The following TENM2 variants were observed in gnomAD, a reference collection of about 807,000 sequenced individuals.
TENM2 encodes the protein teneurin-2.
A neutral mutation model predicts 245.2 loss-of-function variants in TENM2; 52 were observed. The observed-to-expected ratio is 0.21, with a 90% CI of 0.17 to 0.27. The LOEUF is 0.27. Ranked by LOEUF, TENM2 falls within the 10% of genes least tolerant of loss-of-function variation. The pLI is 1.00. For synonymous variants in TENM2, 1,363 were observed against 1,438.9 expected (o/e 0.95, Z 1.19); for missense variants, 3,046 against 3,666.8 (o/e 0.83, Z 4.37).
At chr5:167,283,002 G>A (rs1771142040), upstream of TENM2, among the ~76,000 whole-genome samples, 1 of 152,000 alleles carries the variant, frequency 6.6e-6, no homozygotes, top group Non-Finnish European at 1.5e-5. Flanking sequence ...AGCAACTGAG[G>A]CAGCACCAAG....
chr5:167,822,550 C>A (rs746520442), intron 2 of TENM2, among the ~76,000 whole-genome samples: 3 of 152,126 alleles, frequency 2.0e-5, no homozygotes, highest in Non-Finnish European at 4.4e-5. Context: ...AACATTAGAG[C>A]ACTAGGATTT....
intron 2 of TENM2, among the ~76,000 whole-genome samples, chr5:167,618,735 C>A (rs1409469285): frequency 1.3e-5 from 2 of 152,112 alleles, no homozygotes; most frequent in African/African-American, 2.4e-5. Context: ...GTCAAGCAAC[C>A]TGTTTTTTGT....
At chr5:167,333,291 A>AC (rs1168920935) in intron 1 of TENM2, among the ~76,000 whole-genome samples, 1 of 152,072 alleles carries the variant, frequency 6.6e-6, no homozygotes, top group African/African-American at 2.4e-5. Context: ...TTTCTGTGAG[A>AC]CCCCTACAAC....
the TENM2 span, among the ~76,000 whole-genome samples, chr5:167,204,160 G>GAA: frequency 9.5e-4 from 139 of 145,554 alleles, no homozygotes; most frequent in African/African-American, 2.1e-3. Context: ...GCCTTAGAAG[G>GAA]AAAAAAAAAA....
intron 2 of TENM2, among the ~76,000 whole-genome samples, chr5:167,774,190 G>C (rs1337634787): frequency 3.5e-5 from 4 of 115,166 alleles, no homozygotes; most frequent in South Asian, 3.9e-4. Context: ...AGAAGGGAGG[G>C]AGGGAAGGAG....
chr5:167,702,326 G>C (rs1561686648), intron 2 of TENM2, among the ~76,000 whole-genome samples: 1 of 151,882 alleles, frequency 6.6e-6, no homozygotes, highest in Non-Finnish European at 1.5e-5. Context: ...AGCTGCTTGG[G>C]TTTTACTATC....
intron 2 of TENM2, among the ~76,000 whole-genome samples, chr5:167,830,178 G>A (rs1768343127): frequency 6.6e-6 from 1 of 152,184 alleles, no homozygotes; most frequent in African/African-American, 2.4e-5. Context: ...CTATCTGACT[G>A]TGAAACTCTC....
chr5:167,314,226 T>C (rs1475722624), intron 1 of TENM2, among the ~76,000 whole-genome samples: 1 of 152,190 alleles, frequency 6.6e-6, no homozygotes, highest in Non-Finnish European at 1.5e-5. Context: ...TGTTCTTCTA[T>C]TATGCTTATC....
At chr5:167,715,198 G>T (rs547881057) in intron 2 of TENM2, among the ~76,000 whole-genome samples, 1 of 151,314 alleles carries the variant, frequency 6.6e-6, no homozygotes, top group Non-Finnish European at 1.5e-5. Context: ...CTCAAGCAAA[G>T]ATCCCAAGAG....
chr5:167,815,636 C>G (rs1766988602), intron 2 of TENM2, among the ~76,000 whole-genome samples: 1 of 152,142 alleles, frequency 6.6e-6, no homozygotes, highest in African/African-American at 2.4e-5. Context: ...CTATGTAAAT[C>G]CTACAAAGCC....
chr5:167,092,743 A>G, the TENM2 span, among the ~76,000 whole-genome samples: 1 of 152,208 alleles, frequency 6.6e-6, no homozygotes, highest in Non-Finnish European at 1.5e-5. Flanking sequence ...GCTTTTGACA[A>G]CTGCACTATA....
intron 2 of TENM2, among the ~76,000 whole-genome samples, chr5:167,867,600 G>A (rs907266436): frequency 1.3e-5 from 2 of 152,124 alleles, no homozygotes; most frequent in Admixed American, 6.5e-5. Context: ...TGAAGTGTGA[G>A]TGAAGAGGGC....
intron 2 of TENM2, among the ~76,000 whole-genome samples, chr5:167,421,386 T>C (rs1482482682): frequency 3.3e-5 from 5 of 152,026 alleles, no homozygotes; most frequent in Admixed American, 2.6e-4. Context: ...AGTCAACAGC[T>C]AACTTAAATT....
chr5:167,171,207 T>G, the TENM2 span, among the ~76,000 whole-genome samples: 1 of 152,184 alleles, frequency 6.6e-6, no homozygotes, highest in Non-Finnish European at 1.5e-5. Flanking sequence ...TTTTCCTGCC[T>G]TGAAAATCCC....
chr5:167,507,461 A>T (rs2127564237), intron 2 of TENM2, among the ~76,000 whole-genome samples: 2 of 152,306 alleles, frequency 1.3e-5, no homozygotes, highest in Admixed American at 1.3e-4. Context: ...TATATCTTTT[A>T]TATAAAATTT....
chr5:167,444,596 A>G (rs1365889371), intron 2 of TENM2, among the ~76,000 whole-genome samples: 1 of 152,202 alleles, frequency 6.6e-6, no homozygotes, highest in African/African-American at 2.4e-5. Context: ...CTGATCCTAC[A>G]ATGAATAAAA....
intron 22 of TENM2, among the ~76,000 whole-genome samples, chr5:168,217,685 A>C (rs1763320230): frequency 6.6e-6 from 1 of 152,268 alleles, no homozygotes; most frequent in South Asian, 2.1e-4. Context: ...CTTCCAAGTC[A>C]CATGGCTCCT....
intron 23 of TENM2, among the ~76,000 whole-genome samples, chr5:168,224,788 C>T (rs1349784225): frequency 3.3e-5 from 5 of 152,114 alleles, no homozygotes; most frequent in Non-Finnish European, 7.3e-5. Context: ...TTCATAGCTC[C>T]GCCTTCTTCC....
At chr5:167,364,382 A>G (rs1759913289) in intron 1 of TENM2, among the ~76,000 whole-genome samples, 1 of 152,138 alleles carries the variant, frequency 6.6e-6, no homozygotes, top group Non-Finnish European at 1.5e-5. Context: ...CAATTAGGCA[A>G]AGAAATACAG....
Sources: allele counts gnomAD v4.1 joint callset (sites outside exome capture counted in the v4.1 genomes callset), GRCh38; gene constraint gnomAD v4.1.1; transcripts MANE v1.5; gene names NCBI Gene and HGNC (gene_info 2026-07-23, HGNC 2026-07-21).